Variants in PITPNC1 observed in about 807,000 individuals in gnomAD.
The protein encoded by PITPNC1 is phosphatidylinositol transfer protein cytoplasmic 1, also known as cytoplasmic phosphatidylinositol transfer protein 1.
PITPNC1 carries 18 observed loss-of-function variants against 44.7 expected under a neutral mutation model. The observed-to-expected ratio is 0.40, with a 90% confidence interval of 0.28 to 0.60. The LOEUF is 0.60. Ranked by LOEUF, PITPNC1 falls within the 20% of genes least tolerant of loss-of-function variation. The probability of loss-of-function intolerance (pLI) is 0.39; values close to 1 mark genes in which losing one functional copy is unlikely to be tolerated. For missense variants in PITPNC1, 290 were observed against 418.4 expected (o/e 0.69, Z 2.68); for synonymous variants, 141 against 149.6 (o/e 0.94, Z 0.42).
intron 1 of PITPNC1, among the ~76,000 whole-genome samples, chr17:67,504,764 GTTAA>G (rs1234880865): frequency 1.3e-5 from 2 of 152,042 alleles, no homozygotes; most frequent in South Asian, 2.1e-4. Context: ...ATTAATTTAG[GTTAA>G]TTAATTAATT....
rs535221459 is a variant in PITPNC1 at position 67,607,873 on chromosome 17, C to T, written c.367-24270C>T. Among the ~76,000 whole-genome samples, 6 of 151,966 alleles carry T rather than the reference C, an allele frequency of 3.9e-5. No individual in the cohort carries two copies. The South Asian group carries it at 1.0e-3, about 26-fold the overall frequency. On this transcript the variant is annotated intron_variant, in intron 5 of 8. Coordinates refer to ENST00000581322, the MANE Select transcript of PITPNC1 (RefSeq NM_012417.4). ...CTTCCCGAGTACCTGGGATTATAGG[C>T]GCCCGCCACCATGCCCAGCTAAATT...
rs886876286 is a variant in PITPNC1, at chr17:67,631,053, G to GTTGTTGTTA, written c.367-1088_367-1087insGTTGTTATT. On this transcript the variant is annotated intron_variant, in intron 5 of 8. Transcript: ENST00000581322. ...ATATTGCGGCTGTGTTGTTGTTGTT[G>GTTGTTGTTA]TTATTATTATTATTATTATTATTAT... 2.7e-3 allele frequency among the ~76,000 whole-genome samples: 349 copies of GTTGTTGTTA among 127,742 alleles called. 1 individual carries two copies. Among genetic ancestry groups the GTTGTTGTTA allele is most frequent in the African/African-American group, 2.8e-3 (98 of 35,316 alleles). 83.8% of individuals were successfully genotyped at this position (127,742 alleles called of 152,430 possible).
At chr17:67,392,434 G>A (rs1480443580) in intron 1 of PITPNC1, among the ~76,000 whole-genome samples, 3 of 152,054 alleles carry the variant, frequency 2.0e-5, no homozygotes, top group African/African-American at 7.2e-5. Context: ...AAAGAGACCG[G>A]GGTCTCGCCA....
Position 67,378,946 on chromosome 17 carries a change from C to G in PITPNC1, c.48+744C>G, listed in dbSNP as rs539636120. 6.1e-6 allele frequency: 6 copies of G among 984,316 alleles called. No individual in the cohort carries two copies. In the East Asian group the frequency reaches 4.5e-4, roughly 74 times the overall value. The allele number at this position is 984,316 out of a possible 1,614,324, so 61.0% of individuals were successfully genotyped here. ...GGCCGCGGCTGCCGGCTGGGGGCGC[C>G]GGGCGCGGGGCGGGGGCTCGTCCTC... is the stretch of plus-strand genomic sequence containing the variant. On this transcript the variant is annotated intron_variant, in intron 1 of 8. Transcript: ENST00000581322.
At position 67,693,522 on chromosome 17, in the gene PITPNC1, T is replaced by A. The variant is rs912346524; in HGVS notation, c.*634T>A. The A allele has an allele frequency of 1.3e-5, 2 of 152,672 alleles. No individual in the cohort carries two copies. Among genetic ancestry groups the A allele is most frequent in the Admixed American group, 6.5e-5 (1 of 15,286 alleles). 9.5% of individuals were successfully genotyped at this position (152,672 alleles called of 1,614,324 possible). On this transcript the variant is annotated 3_prime_UTR_variant, in exon 9 of 9. Coordinates refer to ENST00000581322, the MANE Select transcript of PITPNC1 (RefSeq NM_012417.4). The stretch of plus-strand genomic sequence containing the variant: ...ATTTAATAAAGATTCTACTTGTTTC[T>A]GTCTTTTAATAACTTTCCCCTTTTG...
chr17:67,654,176 G>T (rs182190077), intron 6 of PITPNC1, among the ~76,000 whole-genome samples: 2 of 152,124 alleles, frequency 1.3e-5, no homozygotes, highest in African/African-American at 4.8e-5. Context: ...GAAGACTGTC[G>T]GTTCACCTGG....
chr17:67,591,734 G>C (rs1270713450), intron 5 of PITPNC1, among the ~76,000 whole-genome samples: 1 of 152,038 alleles, frequency 6.6e-6, no homozygotes. Flanking sequence ...TTGGGAGACA[G>C]GGTCTTGCTG....
chr17:67,459,359 C>T (rs879716545), intron 1 of PITPNC1, among the ~76,000 whole-genome samples: 45 of 152,040 alleles, frequency 3.0e-4, no homozygotes, highest in South Asian at 4.1e-4. Flanking sequence ...TCAGGTGATC[C>T]GCCCCGCCTA....
chr17:67,454,929 C>T (rs2039235107), intron 1 of PITPNC1, among the ~76,000 whole-genome samples: 1 of 151,738 alleles, frequency 6.6e-6, no homozygotes, highest in Non-Finnish European at 1.5e-5. Context: ...AAGCAATCCT[C>T]CCACTTCAGC....
intron 4 of PITPNC1, among the ~76,000 whole-genome samples, chr17:67,571,179 C>G (rs978350974): frequency 6.6e-6 from 1 of 152,288 alleles, no homozygotes; most frequent in Admixed American, 6.5e-5. Context: ...GCCTATAATA[C>G]CAGCACTTTA....
rs567571274 is a variant in PITPNC1 at position 67,439,748 on chromosome 17, A to T, written c.48+61546A>T. On this transcript the variant is annotated intron_variant, in intron 1 of 8. Coordinates refer to ENST00000581322, the MANE Select transcript of PITPNC1 (RefSeq NM_012417.4). ...TACTTATTTTTTGTTGATGAGATGG[A>T]CATTTCTTTTTTAAGTATGCTTAAA... Among the ~76,000 whole-genome samples the T allele has an allele frequency of 1.8e-4, 28 of 152,314 alleles. No homozygotes were observed. In the South Asian group the frequency reaches 5.8e-3, roughly 32 times the overall value.
intron 1 of PITPNC1, among the ~76,000 whole-genome samples, chr17:67,407,614 C>A (rs1433808223): frequency 6.6e-6 from 1 of 151,886 alleles, no homozygotes; most frequent in Admixed American, 6.6e-5. Flanking sequence ...ACCAGCCTGA[C>A]CAACATGGAG....
chr17:67,666,252 T>G (rs967772353), intron 6 of PITPNC1, among the ~76,000 whole-genome samples: 3 of 152,224 alleles, frequency 2.0e-5, no homozygotes, highest in Non-Finnish European at 4.4e-5. Flanking sequence ...TGCCTTGGCC[T>G]CACAAAGTAT....
intron 7 of PITPNC1, among the ~76,000 whole-genome samples, chr17:67,672,274 C>T (rs140715642): frequency 0.02 from 2,999 of 151,958 alleles, 46 homozygotes; most frequent in Non-Finnish European, 0.032. Context: ...TTTAATAAGG[C>T]AGAGTTGTCA....
chr17:67,456,872 G>C (rs1421263266), intron 1 of PITPNC1, among the ~76,000 whole-genome samples: 1 of 152,132 alleles, frequency 6.6e-6, no homozygotes, highest in Non-Finnish European at 1.5e-5. Context: ...TTTAAAAACA[G>C]CTTCTTTGTC....
rs1398728485 is a variant in PITPNC1 at position 67,433,283 on chromosome 17, G to A, written c.48+55081G>A. On this transcript the variant is annotated intron_variant, in intron 1 of 8. Coordinates refer to ENST00000581322, the MANE Select transcript of PITPNC1 (RefSeq NM_012417.4). Reference sequence around the variant, plus strand: ...AAGGAGGCAAAGCTACAGGTGCAGAGCAGAGATTGCTAAGGTCTTAGCCGC... The same window carrying A: ...AAGGAGGCAAAGCTACAGGTGCAGAACAGAGATTGCTAAGGTCTTAGCCGC... 2.0e-5 allele frequency among the ~76,000 whole-genome samples: 3 copies of A among 152,260 alleles called. No individual in the cohort carries two copies. In the East Asian group the frequency reaches 5.8e-4, roughly 29 times the overall value.
chr17:67,622,117 C>T (rs866866374), intron 5 of PITPNC1, among the ~76,000 whole-genome samples: 8 of 152,014 alleles, frequency 5.3e-5, no homozygotes, highest in South Asian at 4.2e-4. Flanking sequence ...ATTAGCTGGG[C>T]GCGGTGGTGG....
intron 8 of PITPNC1, among the ~76,000 whole-genome samples, chr17:67,678,601 C>T (rs1256358124): frequency 1.3e-5 from 2 of 152,242 alleles, no homozygotes; most frequent in Admixed American, 1.3e-4. Context: ...AGCTGAGCTG[C>T]TGACCAGGAA....
At chr17:67,596,001 CAG>C (rs2041455351) in intron 5 of PITPNC1, among the ~76,000 whole-genome samples, 1 of 152,128 alleles carries the variant, frequency 6.6e-6, no homozygotes, top group Non-Finnish European at 1.5e-5. Context: ...AAGAGATACT[CAG>C]GGGTAAAACC....
Sources: allele counts gnomAD v4.1 joint callset (sites outside exome capture counted in the v4.1 genomes callset), GRCh38; gene constraint gnomAD v4.1.1; transcripts MANE v1.5; gene names NCBI Gene and HGNC (gene_info 2026-07-23, HGNC 2026-07-21).